Variants in CNTNAP2 observed in about 807,000 individuals in gnomAD.
CNTNAP2 encodes contactin associated protein 2, also known as contactin-associated protein-like 2.
Under a neutral mutation model 155.2 loss-of-function variants are expected in CNTNAP2, and 98 were observed. That is an observed-to-expected ratio of 0.63 (90% CI 0.54 to 0.75). The LOEUF is 0.75. Ranked by LOEUF, CNTNAP2 falls within the 30% of genes least tolerant of loss-of-function variation. The probability of loss-of-function intolerance (pLI) is 0.00; values close to 1 mark genes in which losing one functional copy is unlikely to be tolerated. For missense variants in CNTNAP2, 1,727 were observed against 1,688.1 expected (o/e 1.02, Z -0.40); for synonymous variants, 651 against 631.2 (o/e 1.03, Z -0.47).
intron 1 of CNTNAP2, among the ~76,000 whole-genome samples, chr7:146,177,698 A>G (rs1798489690): frequency 6.6e-6 from 1 of 152,254 alleles, no homozygotes; most frequent in Non-Finnish European, 1.5e-5. Flanking sequence ...TAAAAATAAT[A>G]TTTGAACTAT....
chr7:146,829,545 A>T (rs1416996882), intron 2 of CNTNAP2, among the ~76,000 whole-genome samples: 4 of 152,260 alleles, frequency 2.6e-5, no homozygotes, highest in African/African-American at 9.6e-5. Context: ...AATGCAACTG[A>T]CAATGTTAAG....
At chr7:146,385,137 A>G (rs1795442413) in intron 1 of CNTNAP2, among the ~76,000 whole-genome samples, 1 of 152,122 alleles carries the variant, frequency 6.6e-6, no homozygotes, top group African/African-American at 2.4e-5. Context: ...TGAAATCACC[A>G]TATTCCATTT....
intron 15 of CNTNAP2, among the ~76,000 whole-genome samples, chr7:147,998,800 A>G (rs1801851696): frequency 6.6e-6 from 1 of 152,230 alleles, no homozygotes; most frequent in South Asian, 2.1e-4. Flanking sequence ...CAATAATCCC[A>G]GAGCTGAAGA....
At chr7:146,944,295 A>G (rs1422581192) in intron 3 of CNTNAP2, among the ~76,000 whole-genome samples, 2 of 151,468 alleles carry the variant, frequency 1.3e-5, no homozygotes, top group South Asian at 2.1e-4. Context: ...ATCCATGTAT[A>G]ATAGACCTGT....
chr7:147,268,425 A>G (rs534905568), intron 8 of CNTNAP2, among the ~76,000 whole-genome samples: 1 of 152,314 alleles, frequency 6.6e-6, no homozygotes, highest in African/African-American at 2.4e-5. Context: ...GGAAGGAAAC[A>G]CCACGTGTTC....
At chr7:147,998,059 T>TCA (rs1801836897) in intron 15 of CNTNAP2, among the ~76,000 whole-genome samples, 1 of 151,282 alleles carries the variant, frequency 6.6e-6, no homozygotes, top group Admixed American at 6.6e-5. Context: ...GACTGTGTGG[T>TCA]CACCACGGTT....
chr7:148,283,960 ATTTAC>A (rs1429468914), intron 21 of CNTNAP2, among the ~76,000 whole-genome samples: 9 of 152,208 alleles, frequency 5.9e-5, no homozygotes, highest in Non-Finnish European at 1.3e-4. Context: ...CTAACCCTGT[ATTTAC>A]TTTAGGAACA....
intron 9 of CNTNAP2, among the ~76,000 whole-genome samples, chr7:147,323,381 C>A (rs201667516): frequency 8.0e-6 from 1 of 124,526 alleles, no homozygotes. Flanking sequence ...TGTAGTTGAG[C>A]GGCTTTGAGT....
At position 147,486,054 on chromosome 7, in the gene CNTNAP2, T is replaced by C. The variant is rs188140291; in HGVS notation, c.1777+13T>C. On this transcript the variant is annotated intron_variant, in intron 11 of 23. Transcript: ENST00000361727. ...ACCTGCCACAACTGTGAGTGCCAAT[T>C]TATCTCACTTTAATCTTGTAATTGC... is the stretch of plus-strand genomic sequence containing the variant. 2.5e-6 allele frequency: 4 copies of C among 1,601,178 alleles called. No individual in the cohort carries two copies. The East Asian group carries it at 8.9e-5, about 36-fold the overall frequency.
At chr7:147,300,699 G>C (rs1794932210) in intron 9 of CNTNAP2, among the ~76,000 whole-genome samples, 1 of 152,106 alleles carries the variant, frequency 6.6e-6, no homozygotes, top group Admixed American at 6.6e-5. Context: ...AATTTGCTGA[G>C]CGAGTCTTTC....
chr7:146,201,448 T>C (rs1798858123), intron 1 of CNTNAP2, among the ~76,000 whole-genome samples: 1 of 152,204 alleles, frequency 6.6e-6, no homozygotes, highest in African/African-American at 2.4e-5. Flanking sequence ...CCAATCCCTC[T>C]GCTGGATGTT....
chr7:146,646,322 T>TAG (rs1799810798), intron 1 of CNTNAP2, among the ~76,000 whole-genome samples: 1 of 152,030 alleles, frequency 6.6e-6, no homozygotes, highest in Non-Finnish European at 1.5e-5. Context: ...GCTCACTAGT[T>TAG]TGTGTGTGTG....
At chr7:147,172,786 A>G (rs1584770890) in intron 8 of CNTNAP2, among the ~76,000 whole-genome samples, 1 of 152,164 alleles carries the variant, frequency 6.6e-6, no homozygotes, top group Admixed American at 6.5e-5. Context: ...TTGTAATTTA[A>G]TATTGGACTC....
intron 8 of CNTNAP2, among the ~76,000 whole-genome samples, chr7:147,259,439 T>TA (rs1804407182): frequency 6.6e-6 from 1 of 152,176 alleles, no homozygotes; most frequent in Non-Finnish European, 1.5e-5. Context: ...TATTACTTTA[T>TA]ATGACAATGA....
intron 13 of CNTNAP2, among the ~76,000 whole-genome samples, chr7:147,859,795 T>C (rs1760305151): frequency 6.6e-6 from 1 of 152,180 alleles, no homozygotes; most frequent in Non-Finnish European, 1.5e-5. Flanking sequence ...ATAAAGCAGA[T>C]GGCAAATATT....
At chr7:147,870,011 A>C (rs10233606) in intron 13 of CNTNAP2, among the ~76,000 whole-genome samples, 1 of 152,168 alleles carries the variant, frequency 6.6e-6, no homozygotes, top group Admixed American at 6.5e-5. Flanking sequence ...TAAGATGGAC[A>C]TTATTATTAC....
chr7:147,292,971 T>C (rs1049032086), intron 8 of CNTNAP2, among the ~76,000 whole-genome samples: 4 of 152,166 alleles, frequency 2.6e-5, no homozygotes, highest in African/African-American at 9.6e-5. Context: ...TTTCACCATG[T>C]TGGTCAGGCT....
intron 14 of CNTNAP2, among the ~76,000 whole-genome samples, chr7:147,921,167 A>G (rs1378032252): frequency 2.0e-5 from 3 of 151,412 alleles, no homozygotes; most frequent in African/African-American, 7.3e-5. Context: ...GACGTTATTT[A>G]TTTTTTATTT....
intron 12 of CNTNAP2, among the ~76,000 whole-genome samples, chr7:147,599,847 C>T (rs560887650): frequency 3.9e-5 from 6 of 152,130 alleles, no homozygotes; most frequent in Admixed American, 6.5e-5. Context: ...ACGCTATTTC[C>T]AAATAAGATC....
Sources: gnomAD v4.1 joint callset for allele counts (sites outside exome capture counted in the v4.1 genomes callset) on GRCh38, gnomAD v4.1.1 for gene constraint, MANE v1.5 for transcripts, NCBI Gene and HGNC (gene_info 2026-07-23, HGNC 2026-07-21) for gene names.